Variants in OLAH observed in about 807,000 individuals in gnomAD.
The protein encoded by OLAH is oleoyl-ACP hydrolase.
A neutral mutation model predicts 27.8 loss-of-function variants in OLAH; 33 were observed. The ratio of observed to expected loss-of-function variants is 1.19; its 90% CI spans 0.90 to 1.59. OLAH has a LOEUF of 1.59. Ranked by LOEUF, OLAH falls within the 40% of genes most tolerant of loss-of-function variation. The probability of loss-of-function intolerance (pLI) is 0.00; values close to 1 mark genes in which losing one functional copy is unlikely to be tolerated. For synonymous variants in OLAH, 120 were observed against 102.9 expected, an observed-to-expected ratio of 1.17 and a Z score of -1.01; for missense variants, 359 against 310.8, an observed-to-expected ratio of 1.16 and a Z score of -1.17.
intron 3 of OLAH, among the ~76,000 whole-genome samples, chr10:15,058,442 T>C (rs1216242323): frequency 2.0e-5 from 3 of 152,204 alleles, no homozygotes; most frequent in Non-Finnish European, 2.9e-5. Flanking sequence ...AATTTTATTA[T>C]ACCAGTTCAT....
chr10:15,040,686 T>C (rs1273012631), upstream of OLAH, among the ~76,000 whole-genome samples: 1 of 152,212 alleles, frequency 6.6e-6, no homozygotes, highest in Non-Finnish European at 1.5e-5. Context: ...CATTCATTTA[T>C]TGTTCATTCC....
Position 15,067,155 on chromosome 10 carries a change from C to T in OLAH, c.572+1402C>T, listed in dbSNP as rs970875927. Among the ~76,000 whole-genome samples the T allele has an allele frequency of 2.2e-4, 34 of 152,206 alleles. 1 individual carries two copies. The highest frequency in any genetic ancestry group is 1.4e-3 in the Admixed American group (22 of 15,290). On this transcript the variant is annotated intron_variant, in intron 6 of 7. Transcript: ENST00000378228. ...CACCAATTTATACAATTGTTATTTG[C>T]GAATTTAAAACAAAATTGAAAAAAC...
intron 3 of OLAH, among the ~76,000 whole-genome samples, chr10:15,052,300 C>T (rs1392530527): frequency 6.6e-6 from 1 of 152,010 alleles, no homozygotes; most frequent in African/African-American, 2.4e-5. Flanking sequence ...TAAATAAAAA[C>T]AATGTGGCTG....
At chr10:15,051,032 A>G (rs747872258) in intron 3 of OLAH, among the ~76,000 whole-genome samples, 1 of 150,418 alleles carries the variant, frequency 6.6e-6, no homozygotes, top group Admixed American at 6.6e-5. Context: ...GTTATGTGCA[A>G]TTGTAAATCT....
upstream of OLAH, among the ~76,000 whole-genome samples, chr10:15,042,301 G>A (rs1033353038): frequency 2.0e-5 from 3 of 151,842 alleles, no homozygotes; most frequent in African/African-American, 4.8e-5. Flanking sequence ...ACAGGCACCC[G>A]CCATCACGCC....
In OLAH at chr10:15,065,603, T is replaced by A; in HGVS notation, c.422T>A (p.Ile141Asn). 1 of 1,611,240 alleles carries A rather than the reference T, an allele frequency of 6.2e-7. No homozygotes were observed. ...TPVHSKAWHR[I>N]PKDDELSEEQ... is the part of the protein sequence containing the mutation. ...TTCAAGTCAAAGGCCTGGCATCGCA[T>A]TCCCAAAGATGATGAATTGTCAGAA... Residue 141 changes from isoleucine (I) to asparagine (N), a missense_variant, in exon 6 of 8, where the codon ATT becomes AAT. By Grantham distance (149) the Ile-to-Asn change is moderately radical. Transcript: ENST00000378228.
rs141622943 is a variant in OLAH at position 15,054,593 on chromosome 10, C to T, written c.163+4828C>T. 1.2e-4 allele frequency among the ~76,000 whole-genome samples: 17 copies of T among 145,404 alleles called. No homozygotes were observed. The East Asian group carries it at 1.5e-3, about 13-fold the overall frequency. On this transcript the variant is annotated intron_variant, in intron 3 of 7. Coordinates refer to ENST00000378228, the MANE Select transcript of OLAH (RefSeq NM_001039702.3). ...ATGTGTCCCTATGCTGGAACCTTTT[C>T]TGCCTTCTATGACTACTACTTTGTT...
At chr10:15,066,164 T>G (rs1028222151) in intron 6 of OLAH, among the ~76,000 whole-genome samples, 1 of 149,900 alleles carries the variant, frequency 6.7e-6, no homozygotes, top group Non-Finnish European at 1.5e-5. Flanking sequence ...TCACTTGAAG[T>G]CAGGAGGCGG....
At chr10:15,071,715 T>G (rs1844590010) in intron 6 of OLAH, 80 bp from the exon 7 acceptor site, 1 of 1,474,252 alleles carries the variant, frequency 6.8e-7, no homozygotes, top group African/African-American at 1.4e-5. Flanking sequence ...CCACCCCAAG[T>G]TTCATTGACA....
At chr10:15,068,596 T>C (rs1335876217) in intron 6 of OLAH, among the ~76,000 whole-genome samples, 2 of 152,130 alleles carry the variant, frequency 1.3e-5, no homozygotes, top group African/African-American at 2.4e-5. Context: ...GGTTTCATCA[T>C]GTTGGCCAGC....
chr10:15,044,418 C>T (rs1332174779), intron 1 of OLAH, among the ~76,000 whole-genome samples: 1 of 151,074 alleles, frequency 6.6e-6, no homozygotes, highest in Non-Finnish European at 1.5e-5. Context: ...TTATTTTTGC[C>T]TTGTATTTTA....
chr10:15,049,770 GT>G lies in OLAH; in HGVS notation c.163+7del. On this transcript the variant is annotated splice_donor_region_variant and intron_variant, in intron 3 of 7. Transcript: ENST00000378228. Reference sequence around the variant, plus strand: ...ATACTCATGATTTGCTGGAAGGTATGTTAATTTTTAACATCATTTAAGCAAT... The same window carrying G: ...ATACTCATGATTTGCTGGAAGGTATGTAATTTTTAACATCATTTAAGCAAT... 6.2e-7 allele frequency: 1 copy of G among 1,600,690 alleles called. No homozygotes were observed. Among genetic ancestry groups the G allele is most frequent in the Non-Finnish European group, 8.5e-7 (1 of 1,176,676 alleles).
At chr10:15,043,321 G>A (rs1354793696), upstream of OLAH, among the ~76,000 whole-genome samples, 1 of 152,006 alleles carries the variant, frequency 6.6e-6, no homozygotes, top group Admixed American at 6.6e-5. Flanking sequence ...AAGGGTGCTT[G>A]GTCCTTAGTG....
chr10:15,050,191 G>A (rs185649885), intron 3 of OLAH, among the ~76,000 whole-genome samples: 6 of 152,366 alleles, frequency 3.9e-5, no homozygotes, highest in Admixed American at 3.9e-4. Flanking sequence ...GCTGAGGCAG[G>A]AGGATTGCTT....
chr10:15,048,960 T>A (rs1844076323), intron 2 of OLAH, among the ~76,000 whole-genome samples: 1 of 151,934 alleles, frequency 6.6e-6, no homozygotes, highest in East Asian at 1.9e-4. Flanking sequence ...AAAATTAGCT[T>A]GACATGGTGG....
rs765917469 is a variant in OLAH, at chr10:15,047,250, G to A, written c.-39G>A. On this transcript the variant is annotated 5_prime_UTR_variant, in exon 2 of 8. Transcript: ENST00000378228. ...CTGACTTCTGTTGAGCACTCAACAC[G>A]CCACAGAGACCAGCCATCTTGCAAC... is the stretch of plus-strand genomic sequence containing the variant. 27 of 1,610,400 alleles carry A rather than the reference G, an allele frequency of 1.7e-5. No individual in the cohort carries two copies. Among genetic ancestry groups the A allele is most frequent in the East Asian group, 4.5e-5 (2 of 44,754 alleles).
intron 1 of OLAH, among the ~76,000 whole-genome samples, chr10:15,033,047 T>C (rs1326347037): frequency 6.6e-6 from 1 of 151,602 alleles, no homozygotes; most frequent in African/African-American, 2.4e-5. Context: ...TAATTTTTTT[T>C]TTTTTTTAAA....
chr10:15,053,697 T>G (rs1844189451), intron 3 of OLAH, among the ~76,000 whole-genome samples: 1 of 152,106 alleles, frequency 6.6e-6, no homozygotes, highest in Admixed American at 6.6e-5. Context: ...TTCACTTCCT[T>G]TTTTGTTTCT....
intron 3 of OLAH, among the ~76,000 whole-genome samples, chr10:15,054,899 C>A (rs1481783332): frequency 6.6e-6 from 1 of 152,024 alleles, no homozygotes; most frequent in Non-Finnish European, 1.5e-5. Flanking sequence ...TCCACTATTT[C>A]TGGTTTAATT....
Sources: gnomAD v4.1 joint callset for allele counts (sites outside exome capture counted in the v4.1 genomes callset) on GRCh38, gnomAD v4.1.1 for gene constraint, MANE v1.5 for transcripts, NCBI Gene and HGNC (gene_info 2026-07-23, HGNC 2026-07-21) for gene names.